PVT1: variants seen among roughly 807,000 people sequenced by gnomAD.
PVT1 encodes the protein Pvt1 oncogene, also known as CXCR4/PVT1 fusion.
chr8:127,985,429 G>A (rs1353933054), intron 3 of PVT1, among the ~76,000 whole-genome samples: 1 of 150,534 alleles, frequency 6.6e-6, no homozygotes, highest in East Asian at 1.9e-4. Flanking sequence ...GCCCGGCTGA[G>A]TAGCTGCTTT....
chr8:127,849,044 T>G (rs1445079184), intron 2 of PVT1, among the ~76,000 whole-genome samples: 1 of 152,160 alleles, frequency 6.6e-6, no homozygotes, highest in Non-Finnish European at 1.5e-5. Context: ...TGCCAGCTAG[T>G]CTCTTTCTCT....
chr8:127,876,088 T>A (rs531038116), intron 2 of PVT1, among the ~76,000 whole-genome samples: 1 of 152,320 alleles, frequency 6.6e-6, no homozygotes, highest in Non-Finnish European at 1.5e-5. Context: ...CCTCCGGATC[T>A]GCATTGGAGC....
intron 4 of PVT1, among the ~76,000 whole-genome samples, chr8:128,018,570 G>T (rs1817399567): frequency 6.6e-6 from 1 of 152,214 alleles, no homozygotes; most frequent in Non-Finnish European, 1.5e-5. Context: ...CGTTCCAGAT[G>T]GAAAGTCTCG....
At chr8:127,911,413 G>GCTGC (rs1215557432) in intron 3 of PVT1, among the ~76,000 whole-genome samples, 1 of 152,226 alleles carries the variant, frequency 6.6e-6, no homozygotes, top group Non-Finnish European at 1.5e-5. Context: ...CCGGTCCCCG[G>GCTGC]CTGCCAGCTG....
At chr8:127,857,572 G>GA (rs1815175585) in intron 2 of PVT1, among the ~76,000 whole-genome samples, 1 of 152,120 alleles carries the variant, frequency 6.6e-6, no homozygotes, top group African/African-American at 2.4e-5. Flanking sequence ...CTCAGTAGGT[G>GA]AAAGAGGAGG....
chr8:127,870,510 C>A (rs1283184234), intron 2 of PVT1, among the ~76,000 whole-genome samples: 2 of 152,162 alleles, frequency 1.3e-5, no homozygotes, highest in Admixed American at 6.5e-5. Context: ...AACACAGAAC[C>A]AAATACCCTT....
At chr8:127,958,257 T>G (rs1187123345) in intron 3 of PVT1, among the ~76,000 whole-genome samples, 1 of 151,896 alleles carries the variant, frequency 6.6e-6, no homozygotes, top group South Asian at 2.1e-4. Flanking sequence ...TCTTTTTTTT[T>G]GAGACAGAGT....
chr8:127,911,929 T>C (rs1339905259), intron 3 of PVT1, among the ~76,000 whole-genome samples: 3 of 152,160 alleles, frequency 2.0e-5, no homozygotes, highest in African/African-American at 7.2e-5. Flanking sequence ...GGTTTACGGG[T>C]GGTGCTCGTT....
chr8:128,096,053 G>A (rs998356313), intron 5 of PVT1, among the ~76,000 whole-genome samples: 2 of 152,220 alleles, frequency 1.3e-5, no homozygotes, highest in African/African-American at 4.8e-5. Flanking sequence ...TCAGAGCACA[G>A]AGGACATGAG....
chr8:128,100,983 T>A (rs1814496426), intron 6 of PVT1: 1 of 152,168 alleles, frequency 6.6e-6, no homozygotes, highest in Non-Finnish European at 1.5e-5. Context: ...TTTCCAGGTT[T>A]TTTGCATGTC....
chr8:127,968,719 G>A (rs970690671), intron 3 of PVT1, among the ~76,000 whole-genome samples: 7 of 152,154 alleles, frequency 4.6e-5, no homozygotes, highest in Non-Finnish European at 1.0e-4. Context: ...CTTTGAGGGC[G>A]TAATAAAGTT....
intron 2 of PVT1, chr8:127,852,482 G>A (rs1328843784): frequency 1.3e-5 from 2 of 152,280 alleles, no homozygotes; most frequent in African/African-American, 4.8e-5. Flanking sequence ...GCTGGGGTTT[G>A]AATCCACCTG....
intron 4 of PVT1, among the ~76,000 whole-genome samples, chr8:128,046,923 C>G (rs896844133): frequency 1.3e-5 from 2 of 152,216 alleles, no homozygotes; most frequent in African/African-American, 4.8e-5. Flanking sequence ...GAGTGGGGCT[C>G]TGCCTTTCTC....
At chr8:127,892,533 T>C (rs144270613) in intron 3 of PVT1, among the ~76,000 whole-genome samples, 1 of 152,334 alleles carries the variant, frequency 6.6e-6, no homozygotes, top group African/African-American at 2.4e-5. Flanking sequence ...GGTTTATCCA[T>C]TATACAGTTG....
intron 4 of PVT1, among the ~76,000 whole-genome samples, chr8:128,035,949 G>A (rs931246182): frequency 7.2e-5 from 11 of 152,214 alleles, no homozygotes; most frequent in African/African-American, 2.4e-4. Flanking sequence ...ACTTAGTTCA[G>A]CCTCTGACCT....
chr8:127,810,607 T>C (rs1177397690), intron 2 of PVT1, among the ~76,000 whole-genome samples: 1 of 152,178 alleles, frequency 6.6e-6, no homozygotes, highest in Non-Finnish European at 1.5e-5. Flanking sequence ...ATAGTGATCA[T>C]GGGATCAGAG....
intron 4 of PVT1, among the ~76,000 whole-genome samples, chr8:128,028,243 C>T (rs1299648514): frequency 6.6e-6 from 1 of 152,268 alleles, no homozygotes; most frequent in African/African-American, 2.4e-5. Context: ...CAGCTGCTTC[C>T]CGCCTTTCTG....
chr8:127,935,538 G>A (rs1317780817), intron 3 of PVT1, among the ~76,000 whole-genome samples: 1 of 151,982 alleles, frequency 6.6e-6, no homozygotes, highest in Non-Finnish European at 1.5e-5. Flanking sequence ...GGGAGATGAA[G>A]TGCTTTGTCT....
chr8:127,899,141 C>A (rs1815727691), intron 3 of PVT1, among the ~76,000 whole-genome samples: 1 of 152,202 alleles, frequency 6.6e-6, no homozygotes, highest in Admixed American at 6.5e-5. Flanking sequence ...ATAAGGATAC[C>A]CATAATGAAA....
Sources: allele counts gnomAD v4.1 joint callset (sites outside exome capture counted in the v4.1 genomes callset), GRCh38; gene constraint gnomAD v4.1.1; transcripts MANE v1.5; gene names NCBI Gene and HGNC (gene_info 2026-07-23, HGNC 2026-07-21).